MPPED1: variants seen among roughly 807,000 people sequenced by gnomAD.
The protein encoded by MPPED1 is metallophosphoesterase domain-containing protein 1.
In MPPED1, 16 loss-of-function variants were observed where a neutral mutation model predicts 36.2. The observed-to-expected ratio is 0.44, with a 90% CI of 0.30 to 0.67. The LOEUF is 0.67. MPPED1 is among the 30% of genes least tolerant of loss of function. The pLI is 0.10. For synonymous variants in MPPED1, 199 were observed against 191.3 expected (o/e 1.04, Z -0.33); for missense variants, 307 against 453.4 (o/e 0.68, Z 2.93).
At chr22:43,418,203 A>T in intron 1 of MPPED1, 3 of 455,808 alleles carry the variant, frequency 6.6e-6, no homozygotes, top group South Asian at 4.6e-5. Flanking sequence ...CACTTTCGAG[A>T]GCCGGAGAGG....
chr22:43,435,522 C>A (rs2146834797), intron 3 of MPPED1, among the ~76,000 whole-genome samples: 1 of 152,136 alleles, frequency 6.6e-6, no homozygotes, highest in South Asian at 2.1e-4. Context: ...ATTTATGTGT[C>A]CAGGCCCCAG....
At chr22:43,499,222 G>T (rs1371038029) in intron 5 of MPPED1, among the ~76,000 whole-genome samples, 1 of 149,424 alleles carries the variant, frequency 6.7e-6, no homozygotes, top group Non-Finnish European at 1.5e-5. Context: ...AGTCATAGAG[G>T]TAGTGGCAGT....
At chr22:43,447,859 T>TATATATATATATATATA (rs1421264893) in intron 3 of MPPED1, among the ~76,000 whole-genome samples, 1 of 62,526 alleles carries the variant, frequency 1.6e-5, no homozygotes, top group African/African-American at 5.3e-5. Context: ...TATGTAAATA[T>TATATATATATATATATA]TATATATATA....
intron 3 of MPPED1, among the ~76,000 whole-genome samples, chr22:43,460,765 C>T (rs1233951712): frequency 1.3e-5 from 2 of 152,120 alleles, no homozygotes; most frequent in African/African-American, 2.4e-5. Flanking sequence ...ATCCTCAACA[C>T]CCTAGCACTT....
intron 3 of MPPED1, among the ~76,000 whole-genome samples, chr22:43,442,298 T>TC (rs1276198750): frequency 1.3e-5 from 2 of 151,220 alleles, no homozygotes; most frequent in East Asian, 3.9e-4. Context: ...TCTTCCCACC[T>TC]CCCCACCCAA....
At chr22:43,439,602 C>T (rs189591501) in intron 3 of MPPED1, among the ~76,000 whole-genome samples, 3 of 152,310 alleles carry the variant, frequency 2.0e-5, no homozygotes, top group Admixed American at 6.5e-5. Flanking sequence ...ACTTGTAGAA[C>T]GGGGAGAATT....
intron 4 of MPPED1, among the ~76,000 whole-genome samples, chr22:43,496,969 A>AGTGGTGGTGGAGGTG (rs1932420629): frequency 2.6e-4 from 1 of 3,804 alleles, no homozygotes; most frequent in Non-Finnish European, 5.7e-4. Context: ...TGGTGGAGGT[A>AGTGGTGGTGGAGGTG]GTGGTGGTGG....
intron 1 of MPPED1, among the ~76,000 whole-genome samples, chr22:43,424,280 A>T (rs1929377717): frequency 6.6e-6 from 1 of 151,880 alleles, no homozygotes; most frequent in Non-Finnish European, 1.5e-5. Flanking sequence ...CTGCACTACC[A>T]TCCCTGAGCC....
At chr22:43,424,761 A>G in intron 1 of MPPED1, 147 bp from the exon 2 acceptor site, 1 of 1,127,566 alleles carries the variant, frequency 8.9e-7, no homozygotes, top group East Asian at 2.6e-5. Context: ...TGAGTTGGAA[A>G]GATTTGTAAT....
chr22:43,500,543 G>A (rs892415403), intron 5 of MPPED1, among the ~76,000 whole-genome samples: 2 of 151,850 alleles, frequency 1.3e-5, no homozygotes, highest in Non-Finnish European at 2.9e-5. Flanking sequence ...CCTTATGTGT[G>A]CCATGCCACC....
In MPPED1 at chr22:43,498,356, G is replaced by C. The variant is rs187903232; in HGVS notation, c.748+6G>C. ...AACCCATGGACCACCACTGGGTAAG[G>C]CTCTGCTGGCCTGGCCCTCCAGCTC... On this transcript the variant is annotated splice_donor_region_variant and intron_variant, in intron 5 of 6. Transcript: ENST00000443721. 1.3e-3 allele frequency: 2,020 copies of C among 1,529,992 alleles called. 2 individuals carry two copies. The highest frequency in any genetic ancestry group is 4.1e-3 in the Admixed American group (210 of 50,822). The allele number at this position is 1,529,992 out of a possible 1,614,324, so 94.8% of individuals were successfully genotyped here.
chr22:43,448,920 T>C (rs1930459827), intron 3 of MPPED1, among the ~76,000 whole-genome samples: 1 of 152,110 alleles, frequency 6.6e-6, no homozygotes, highest in African/African-American at 2.4e-5. Flanking sequence ...TTTTAATAGC[T>C]AAGGAGACCT....
At chr22:43,450,311 G>T (rs1214439701) in intron 3 of MPPED1, among the ~76,000 whole-genome samples, 2 of 152,242 alleles carry the variant, frequency 1.3e-5, no homozygotes, top group African/African-American at 2.4e-5. Context: ...TGCCTGCTGG[G>T]CAGCCCTGAG....
chr22:43,444,490 C>G (rs536593259), intron 3 of MPPED1, among the ~76,000 whole-genome samples: 1 of 151,696 alleles, frequency 6.6e-6, no homozygotes, highest in East Asian at 1.9e-4. Context: ...CCTCAGCCTC[C>G]CGAGTAGCTG....
At chr22:43,449,582 C>T (rs1345200193) in intron 3 of MPPED1, among the ~76,000 whole-genome samples, 1 of 152,202 alleles carries the variant, frequency 6.6e-6, no homozygotes, top group Non-Finnish European at 1.5e-5. Flanking sequence ...CCTCGATCCC[C>T]TGCTCGGCCC....
rs1932800347 is a variant in MPPED1, at chr22:43,505,843, C to T, written c.*227C>T. 1 of 530,120 alleles carries T rather than the reference C, an allele frequency of 1.9e-6. No homozygotes were observed. Among genetic ancestry groups the T allele is most frequent in the Admixed American group, 3.4e-5 (1 of 29,318 alleles). The allele number at this position is 530,120 out of a possible 1,614,324, so 32.8% of individuals were successfully genotyped here. ...TGCTCATTTACTTTTTCTGCGTGTACATCCTGCGTGTACCTCGTTAAAGGA... is the reference window on the plus strand; with the variant it reads ...TGCTCATTTACTTTTTCTGCGTGTATATCCTGCGTGTACCTCGTTAAAGGA... On this transcript the variant is annotated 3_prime_UTR_variant, in exon 7 of 7. Transcript: ENST00000443721.
chr22:43,463,135 AT>A (rs142394973), intron 3 of MPPED1, among the ~76,000 whole-genome samples: 4 of 151,936 alleles, frequency 2.6e-5, no homozygotes, highest in African/African-American at 9.7e-5. Flanking sequence ...TCCTTTATAT[AT>A]AACCTGTTGG....
chr22:43,469,043 T>G (rs1014967657), intron 3 of MPPED1, among the ~76,000 whole-genome samples: 6 of 152,188 alleles, frequency 3.9e-5, no homozygotes, highest in African/African-American at 1.4e-4. Flanking sequence ...TGTGCCCATC[T>G]TTGGTCCAGG....
At chr22:43,419,578 C>G (rs1479121995) in intron 1 of MPPED1, among the ~76,000 whole-genome samples, 4 of 69,826 alleles carry the variant, frequency 5.7e-5, no homozygotes, top group African/African-American at 1.7e-4. Context: ...ACCTGAGGTG[C>G]TGAGTTCACC....
Sources: gnomAD v4.1 joint callset for allele counts (sites outside exome capture counted in the v4.1 genomes callset) on GRCh38, gnomAD v4.1.1 for gene constraint, MANE v1.5 for transcripts, NCBI Gene and HGNC (gene_info 2026-07-23, HGNC 2026-07-21) for gene names.